The following ZC3H14 variants were observed in gnomAD, a reference collection of about 807,000 sequenced individuals.
The protein encoded by ZC3H14 is zinc finger CCCH-type containing 14.
In ZC3H14, 31 loss-of-function variants were observed where a neutral mutation model predicts 92.4. The observed-to-expected ratio is 0.34, with a 90% CI of 0.25 to 0.45. ZC3H14 has a LOEUF of 0.45. Among genes scored for constraint, ZC3H14 ranks in the 20% least tolerant of loss-of-function variants. ZC3H14 has a pLI of 1.00. For missense variants in ZC3H14, 781 were observed against 897.3 expected (o/e 0.87, Z 1.66); for synonymous variants, 321 against 300.9 (o/e 1.07, Z -0.69).
chr14:88,563,874 C>A (rs1349460429), intron 2 of ZC3H14, among the ~76,000 whole-genome samples, 181 bp downstream of exon 2: 1 of 151,946 alleles, frequency 6.6e-6, no homozygotes, highest in African/African-American at 2.4e-5. Context: ...TTTTTTTCTC[C>A]CAAACCTCCT....
chr14:88,585,430 G>A (rs1023486899), intron 9 of ZC3H14, among the ~76,000 whole-genome samples: 2 of 148,284 alleles, frequency 1.3e-5, no homozygotes, highest in African/African-American at 5.0e-5. Context: ...AGGCTGGAGT[G>A]TAGTAGCGCG....
intron 8 of ZC3H14, 62 bp from the exon 9 acceptor site, chr14:88,577,923 A>G: frequency 6.3e-7 from 1 of 1,593,860 alleles, no homozygotes; most frequent in South Asian, 1.1e-5. Context: ...TGACATAGTC[A>G]CTGTGGAGTT....
chr14:88,610,003 C>G lies in ZC3H14; in HGVS notation c.2097+200C>G, dbSNP rs1353322257. Among the ~76,000 whole-genome samples the G allele has an allele frequency of 5.9e-5, 9 of 152,118 alleles. No homozygotes were observed. The East Asian group carries it at 1.5e-3, about 26-fold the overall frequency. On this transcript the variant is annotated intron_variant, in intron 15 of 16. Transcript: ENST00000251038. ...TCTGAAACTGTTCAATGTTAGTATC[C>G]CAAGCACTCAGTGGGGGGAAGCATA... is the stretch of plus-strand genomic sequence containing the variant.
At chr14:88,602,588 G>A (rs2084804229) in intron 11 of ZC3H14, among the ~76,000 whole-genome samples, 1 of 152,182 alleles carries the variant, frequency 6.6e-6, no homozygotes, top group Admixed American at 6.5e-5. Flanking sequence ...GGCTTGAGGG[G>A]AGATTGTCCT....
In ZC3H14 at chr14:88,626,634, CT is replaced by C; in HGVS notation, c.*14887del. 1 of 588,444 alleles carries C rather than the reference CT, an allele frequency of 1.7e-6. No individual in the cohort carries two copies. Among genetic ancestry groups the C allele is most frequent in the South Asian group, 2.2e-5 (1 of 44,744 alleles). The allele number at this position is 588,444 out of a possible 1,614,324, so 36.5% of individuals were successfully genotyped here. A position where few individuals can be genotyped will look rare whatever the true frequency, so the allele number is the denominator to read the frequency against. ...ACTGTGTCAAAAAAAAAAAAAAATC[CT>C]TTTCCCCCTCTCATTAACATTCTTT... is the stretch of plus-strand genomic sequence containing the variant. On this transcript the variant is annotated 3_prime_UTR_variant, in exon 17 of 17. Transcript: ENST00000251038.
At chr14:88,604,227 G>T (rs2085025910) in intron 12 of ZC3H14, among the ~76,000 whole-genome samples, 2 of 152,154 alleles carry the variant, frequency 1.3e-5, no homozygotes, top group South Asian at 4.1e-4. Flanking sequence ...TAGCAGCAGT[G>T]ACACCATAAA....
At chr14:88,604,935 A>G (rs568368410) in intron 12 of ZC3H14, among the ~76,000 whole-genome samples, 2 of 152,296 alleles carry the variant, frequency 1.3e-5, no homozygotes, top group East Asian at 1.9e-4. Flanking sequence ...TTAAAATTTG[A>G]ACAGAAAGTT....
At chr14:88,594,597 G>A (rs1055639968) in intron 9 of ZC3H14, 30 of 1,571,620 alleles carry the variant, frequency 1.9e-5, no homozygotes, top group Middle Eastern at 1.9e-4. Flanking sequence ...CTCTTAATAC[G>A]TCTTAAGGTA....
In ZC3H14 at chr14:88,615,977, A is replaced by T; in HGVS notation, c.*4226A>T. 2 of 1,291,250 alleles carry T rather than the reference A, an allele frequency of 1.5e-6. No individual in the cohort carries two copies. 80.0% of individuals were successfully genotyped at this position (1,291,250 alleles called of 1,614,324 possible). On this transcript the variant is annotated 3_prime_UTR_variant, in exon 17 of 17. Coordinates refer to ENST00000251038, the MANE Select transcript of ZC3H14 (RefSeq NM_024824.5). ...ATATTTTTCCTCTTTAACTCCTTTTATTCTGTATTTGCATAAATATGAGAT... is the reference window on the plus strand; with the variant it reads ...ATATTTTTCCTCTTTAACTCCTTTTTTTCTGTATTTGCATAAATATGAGAT...
chr14:88,622,762 C>T lies in ZC3H14; in HGVS notation c.*11011C>T. The stretch of plus-strand genomic sequence containing the variant: ...CAGAGTAAGTGTTCATTATTGGCTA[C>T]TATAATTTTTATTATAAACAAATAC... On this transcript the variant is annotated 3_prime_UTR_variant, in exon 17 of 17. Transcript: ENST00000251038. 7.3e-7 allele frequency: 1 copy of T among 1,370,868 alleles called. No homozygotes were observed. The highest frequency in any genetic ancestry group is 9.9e-7 in the Non-Finnish European group (1 of 1,012,780). The allele number at this position is 1,370,868 out of a possible 1,614,324, so 84.9% of individuals were successfully genotyped here.
Position 88,611,897 on chromosome 14 carries a change from G to A in ZC3H14, c.*146G>A. 8.9e-7 allele frequency: 1 copy of A among 1,120,878 alleles called. No homozygotes were observed. The highest frequency in any genetic ancestry group is 1.3e-6 in the Non-Finnish European group (1 of 780,540). 69.4% of individuals were successfully genotyped at this position (1,120,878 alleles called of 1,614,324 possible). ...GTTTTATTGCCTATCTATCTGAAGT[G>A]TCTAATTTTTCAAGTTTGTAAGTTT... On this transcript the variant is annotated 3_prime_UTR_variant, in exon 17 of 17. Coordinates refer to ENST00000251038, the MANE Select transcript of ZC3H14 (RefSeq NM_024824.5).
At chr14:88,595,644 T>C (rs1437464365) in intron 9 of ZC3H14, among the ~76,000 whole-genome samples, 1 of 152,230 alleles carries the variant, frequency 6.6e-6, no homozygotes, top group East Asian at 1.9e-4. Flanking sequence ...CAGTAAAATT[T>C]CATATAACTT....
intron 3 of ZC3H14, among the ~76,000 whole-genome samples, chr14:88,569,947 GC>G (rs1308749444): frequency 1.3e-5 from 2 of 151,776 alleles, no homozygotes; most frequent in Admixed American, 1.3e-4. Flanking sequence ...TTCCCTCCCA[GC>G]CCCCCACAAA....
intron 8 of ZC3H14, among the ~76,000 whole-genome samples, chr14:88,576,900 C>T (rs1595568567): frequency 1.3e-5 from 2 of 152,082 alleles, no homozygotes; most frequent in Non-Finnish European, 2.9e-5. Context: ...AAGCGATTCT[C>T]CTGCCTCAGC....
chr14:88,618,870 A>C lies in ZC3H14; in HGVS notation c.*7119A>C. ...CCACATGAAGTATTATAAATACTTA[A>C]GATCAGTGACTTTTCCTTTCTAGTT... On this transcript the variant is annotated 3_prime_UTR_variant, in exon 17 of 17. Coordinates refer to ENST00000251038, the MANE Select transcript of ZC3H14 (RefSeq NM_024824.5). 6.8e-7 allele frequency: 1 copy of C among 1,475,950 alleles called. No individual in the cohort carries two copies. Among genetic ancestry groups the C allele is most frequent in the Non-Finnish European group, 9.0e-7 (1 of 1,111,444 alleles). 91.4% of individuals were successfully genotyped at this position (1,475,950 alleles called of 1,614,324 possible).
intron 11 of ZC3H14, 35 bp from the exon 12 acceptor site, chr14:88,602,792 TC>T: frequency 6.2e-7 from 1 of 1,606,830 alleles, no homozygotes; most frequent in East Asian, 2.2e-5. Flanking sequence ...TGTGTTTGTT[TC>T]CCTAATTCTA....
In ZC3H14 at chr14:88,622,957, T is replaced by C. The variant is rs1167591097; in HGVS notation, c.*11206T>C. 1 of 374,522 alleles carries C rather than the reference T, an allele frequency of 2.7e-6. No homozygotes were observed. The highest frequency in any genetic ancestry group is 2.1e-5 in the African/African-American group (1 of 47,958). The allele number at this position is 374,522 out of a possible 1,614,324, so 23.2% of individuals were successfully genotyped here. A position where few individuals can be genotyped will look rare whatever the true frequency, so the allele number is the denominator to read the frequency against. ...TGAGAAATACTCTTTTTTTCTGACA[T>C]GAGCATAATTTTATTTAGCCTCTAC... On this transcript the variant is annotated 3_prime_UTR_variant, in exon 17 of 17. Transcript: ENST00000251038.
chr14:88,574,782 A>G lies in ZC3H14; in HGVS notation c.951A>G (p.Glu317=), dbSNP rs150571373. 1 of 1,614,202 alleles carries G rather than the reference A, an allele frequency of 6.2e-7. No individual in the cohort carries two copies. The highest frequency in any genetic ancestry group is 1.1e-5 in the South Asian group (1 of 91,082). Reference sequence around the variant, plus strand: ...ATCATGATGGAGAAGAGGAGGAAGAAGATGATGATTACGGGTCTCGAACAG... The same window carrying G: ...ATCATGATGGAGAAGAGGAGGAAGAGGATGATGATTACGGGTCTCGAACAG... ...KFNHDGEEEE[E]DDDYGSRTGS... is the part of the protein sequence containing the mutation. Residue 317 remains glutamate, a synonymous_variant, in exon 7 of 17, where the codon GAA becomes GAG. Coordinates refer to ENST00000251038, the MANE Select transcript of ZC3H14 (RefSeq NM_024824.5).
At chr14:88,563,567 A>T in intron 1 of ZC3H14, 84 bp from the exon 2 acceptor site, 1 of 1,590,608 alleles carries the variant, frequency 6.3e-7, no homozygotes, top group Non-Finnish European at 8.6e-7. Context: ...GCGCACCAGC[A>T]AAGTGGCCTC....
Sources: allele counts gnomAD v4.1 joint callset (sites outside exome capture counted in the v4.1 genomes callset), GRCh38; gene constraint gnomAD v4.1.1; transcripts MANE v1.5; gene names NCBI Gene and HGNC (gene_info 2026-07-23, HGNC 2026-07-21).